NFIC: variants seen among roughly 807,000 people sequenced by gnomAD.
The protein encoded by NFIC is nuclear factor I C, also known as nuclear factor 1 C-type.
In NFIC, 12 loss-of-function variants were observed where a neutral mutation model predicts 54.4. The ratio of observed to expected loss-of-function variants is 0.22; its 90% CI spans 0.14 to 0.36. NFIC has a LOEUF of 0.36. Ranked by LOEUF, NFIC falls within the 10% of genes least tolerant of loss-of-function variation. The pLI, the probability that NFIC is intolerant of heterozygous loss-of-function variation, is 1.00. For missense variants in NFIC, 575 were observed against 718.2 expected, an observed-to-expected ratio of 0.80 and a Z score of 2.28; for synonymous variants, 322 against 319.2, an observed-to-expected ratio of 1.01 and a Z score of -0.09.
At chr19:3,372,291 G>A (rs553178677) in intron 1 of NFIC, among the ~76,000 whole-genome samples, 1 of 152,170 alleles carries the variant, frequency 6.6e-6, no homozygotes, top group East Asian at 1.9e-4. Flanking sequence ...AAAGTGCTGG[G>A]ATTACAGGCA....
intron 1 of NFIC, among the ~76,000 whole-genome samples, chr19:3,376,429 A>T (rs2081107548): frequency 9.7e-5 from 1 of 10,342 alleles, no homozygotes; most frequent in Non-Finnish European, 1.8e-4. Flanking sequence ...ACACTGTCTC[A>T]AAAAAAAAAA....
chr19:3,366,221 G>A (rs1017248455), upstream of NFIC, among the ~76,000 whole-genome samples: 3 of 151,748 alleles, frequency 2.0e-5, no homozygotes, highest in South Asian at 6.2e-4. Flanking sequence ...AGTGCCCTGG[G>A]GCATTGCGTA....
intron 2 of NFIC, among the ~76,000 whole-genome samples, chr19:3,417,431 C>A (rs1333053883): frequency 2.0e-5 from 3 of 152,036 alleles, no homozygotes; most frequent in African/African-American, 4.8e-5. Flanking sequence ...AGTGCTAATT[C>A]AGCACAGTAA....
chr19:3,451,569 TG>T (rs1007465137), intron 7 of NFIC, among the ~76,000 whole-genome samples: 1 of 147,158 alleles, frequency 6.8e-6, no homozygotes, highest in African/African-American at 2.5e-5. Flanking sequence ...AGGTCAAGGC[TG>T]TAGTGAGCCA....
chr19:3,429,172 C>CACA (rs2082077083), intron 3 of NFIC, among the ~76,000 whole-genome samples: 1 of 130,828 alleles, frequency 7.6e-6, no homozygotes, highest in African/African-American at 2.9e-5. Flanking sequence ...CACACACACA[C>CACA]ACTAGCCCCA....
chr19:3,408,170 C>G (rs755527471), intron 2 of NFIC, among the ~76,000 whole-genome samples: 3 of 152,080 alleles, frequency 2.0e-5, no homozygotes, highest in Non-Finnish European at 4.4e-5. Flanking sequence ...TGCTGGAAAC[C>G]TGGGCTCCGT....
chr19:3,447,728 G>A (rs1231646963), intron 6 of NFIC, among the ~76,000 whole-genome samples: 2 of 152,190 alleles, frequency 1.3e-5, no homozygotes, highest in Non-Finnish European at 1.5e-5. Context: ...AGGGGTAGAC[G>A]TGGCAGCTCA....
At chr19:3,378,242 C>G (rs1305918501) in intron 1 of NFIC, among the ~76,000 whole-genome samples, 2 of 125,666 alleles carry the variant, frequency 1.6e-5, no homozygotes, top group Non-Finnish European at 3.2e-5. Context: ...GCCTGGGTGA[C>G]AAGAGTGAAA....
intron 9 of NFIC, among the ~76,000 whole-genome samples, chr19:3,456,236 A>C (rs2082552667): frequency 6.6e-6 from 1 of 152,202 alleles, no homozygotes; most frequent in Non-Finnish European, 1.5e-5. Flanking sequence ...GCCCACCCTG[A>C]ATAATTCACG....
At chr19:3,421,639 A>G (rs185633926) in intron 2 of NFIC, among the ~76,000 whole-genome samples, 4 of 152,318 alleles carry the variant, frequency 2.6e-5, no homozygotes, top group Non-Finnish European at 5.9e-5. Flanking sequence ...TGTTCATGGC[A>G]TCCTTGGTCT....
At chr19:3,377,104 G>A (rs1196268618) in intron 1 of NFIC, among the ~76,000 whole-genome samples, 1 of 151,174 alleles carries the variant, frequency 6.6e-6, no homozygotes, top group African/African-American at 2.4e-5. Context: ...CGAGGCAGGC[G>A]GATCACGAGG....
chr19:3,454,993 T>G (rs1025515434), intron 9 of NFIC, among the ~76,000 whole-genome samples: 1 of 152,198 alleles, frequency 6.6e-6, no homozygotes, highest in Admixed American at 6.5e-5. Flanking sequence ...CTCAGGCAGG[T>G]GTCTTCCCCT....
chr19:3,418,618 G>A (rs2081905345), intron 2 of NFIC, among the ~76,000 whole-genome samples: 1 of 152,100 alleles, frequency 6.6e-6, no homozygotes, highest in South Asian at 2.1e-4. Context: ...TTGGGAGGCC[G>A]AGGCAGGAGG....
intron 2 of NFIC, among the ~76,000 whole-genome samples, chr19:3,421,040 C>T (rs1271342369): frequency 6.6e-6 from 1 of 152,180 alleles, no homozygotes; most frequent in Non-Finnish European, 1.5e-5. Context: ...CATTCATTAC[C>T]ATCTTGTCCC....
chr19:3,371,881 C>CTCCTTCCT (rs758286013), intron 1 of NFIC, among the ~76,000 whole-genome samples: 2,366 of 99,664 alleles, frequency 0.024, 56 homozygotes, highest in Middle Eastern at 0.036. Flanking sequence ...TTCTTTCTCT[C>CTCCTTCCT]TCCTTCCTTC....
chr19:3,464,153 G>T lies in NFIC; in HGVS notation c.*1384G>T. 1.0e-6 allele frequency: 1 copy of T among 985,318 alleles called. No homozygotes were observed. Among genetic ancestry groups the T allele is most frequent in the Non-Finnish European group, 1.2e-6 (1 of 829,896 alleles). 61.0% of individuals were successfully genotyped at this position (985,318 alleles called of 1,614,324 possible). A position where few individuals can be genotyped will look rare whatever the true frequency, so the allele number is the denominator to read the frequency against. On this transcript the variant is annotated 3_prime_UTR_variant, in exon 11 of 11. Transcript: ENST00000443272. ...TGGTGCCTCCCAGCGAAGGGGGACC[G>T]CCGTTTGCACTTTCATCGCCTACCC...
chr19:3,451,717 G>T (rs1343848263), intron 7 of NFIC, among the ~76,000 whole-genome samples: 1 of 151,716 alleles, frequency 6.6e-6, no homozygotes, highest in East Asian at 1.9e-4. Context: ...TGTGGGGCCA[G>T]ATGGGCTGGG....
At chr19:3,384,350 A>C (rs1447362257) in intron 2 of NFIC, among the ~76,000 whole-genome samples, 1 of 151,406 alleles carries the variant, frequency 6.6e-6, no homozygotes, top group East Asian at 1.9e-4. Flanking sequence ...TACAGCAGGC[A>C]AGAGCCACTG....
chr19:3,377,638 G>T (rs1196218735), intron 1 of NFIC, among the ~76,000 whole-genome samples: 1 of 151,898 alleles, frequency 6.6e-6, no homozygotes, highest in Non-Finnish European at 1.5e-5. Flanking sequence ...TAGAGACAGG[G>T]TCTTACTCTA....
Sources: allele counts gnomAD v4.1 joint callset (sites outside exome capture counted in the v4.1 genomes callset), GRCh38; gene constraint gnomAD v4.1.1; transcripts MANE v1.5; gene names NCBI Gene and HGNC (gene_info 2026-07-23, HGNC 2026-07-21).